The following RGS20 variants were observed in gnomAD, a reference collection of about 807,000 sequenced individuals.
RGS20 encodes the protein regulator of G protein signaling 20.
RGS20 carries 30 observed loss-of-function variants against 33.6 expected under a neutral mutation model. The ratio of observed to expected loss-of-function variants is 0.89; its 90% CI spans 0.67 to 1.21. The LOEUF is 1.21. Among genes scored for constraint, RGS20 ranks in the 50% most tolerant of loss-of-function variants. The probability of loss-of-function intolerance (pLI) is 0.00; values close to 1 mark genes in which losing one functional copy is unlikely to be tolerated. For synonymous variants in RGS20, 208 were observed against 197.9 expected, an observed-to-expected ratio of 1.05 and a Z score of -0.43; for missense variants, 472 against 502.4, an observed-to-expected ratio of 0.94 and a Z score of 0.58.
At chr8:53,949,772 G>C (rs1702359781) in intron 4 of RGS20, among the ~76,000 whole-genome samples, 1 of 151,686 alleles carries the variant, frequency 6.6e-6, no homozygotes, top group Admixed American at 6.6e-5. Flanking sequence ...ATAGATGCTT[G>C]CCAAAAATTT....
chr8:53,954,472 T>A (rs1814802250), intron 5 of RGS20, among the ~76,000 whole-genome samples, 162 bp downstream of exon 4: 1 of 151,876 alleles, frequency 6.6e-6, no homozygotes, highest in African/African-American at 2.4e-5. Context: ...GAGACCAGCC[T>A]GACCAACATG....
intron 2 of RGS20, among the ~76,000 whole-genome samples, chr8:53,921,952 T>G (rs891436200): frequency 1.3e-5 from 2 of 152,192 alleles, no homozygotes; most frequent in African/African-American, 4.8e-5. Flanking sequence ...TTCATGTGTA[T>G]TTGAGAAGAA....
chr8:53,874,401 T>TGC lies in RGS20; in HGVS notation c.166-4849_166-4848dup, dbSNP rs1554518107. 5.2e-3 allele frequency among the ~76,000 whole-genome samples: 644 copies of TGC among 124,948 alleles called. 7 individuals are homozygous for TGC. Among genetic ancestry groups the TGC allele is most frequent in the African/African-American group, 0.017 (494 of 28,414 alleles). The allele number at this position is 124,948 out of a possible 152,430, so 82.0% of individuals were successfully genotyped here. Reference sequence around the variant, plus strand: ...GTGTGTGTGTGTGTGTGTGTGTGTGTGCGCGCGCGTGTGCTTGCGTGCATC... The same window carrying TGC: ...GTGTGTGTGTGTGTGTGTGTGTGTGTGCGCGCGCGCGTGTGCTTGCGTGCATC... On this transcript the variant is annotated intron_variant, in intron 1 of 5. Coordinates refer to ENST00000297313, the MANE Select transcript of RGS20 (RefSeq NM_170587.4).
At chr8:53,855,026 A>T (rs1438407923) in intron 1 of RGS20, among the ~76,000 whole-genome samples, 1 of 152,220 alleles carries the variant, frequency 6.6e-6, no homozygotes, top group Non-Finnish European at 1.5e-5. Flanking sequence ...AATTCCAAAA[A>T]GTCACACACT....
chr8:53,957,397 G>T (rs1371942430), intron 5 of RGS20, among the ~76,000 whole-genome samples: 2 of 152,226 alleles, frequency 1.3e-5, no homozygotes, highest in Admixed American at 6.5e-5. Flanking sequence ...ACCCAGGCAG[G>T]GCTGGAATTT....
intron 2 of RGS20, among the ~76,000 whole-genome samples, chr8:53,886,123 C>T (rs956698803): frequency 6.6e-6 from 1 of 152,202 alleles, no homozygotes; most frequent in African/African-American, 2.4e-5. Flanking sequence ...ATAGGGCTCA[C>T]TCTGAGTCAG....
chr8:53,942,101 T>A (rs1475310942), intron 3 of RGS20, among the ~76,000 whole-genome samples: 1 of 151,692 alleles, frequency 6.6e-6, no homozygotes, highest in African/African-American at 2.4e-5. Context: ...TGGAGAAAAC[T>A]CGTTTCTACT....
rs1348166478 is a variant in RGS20 at position 53,936,650 on chromosome 8, A to G, written c.511-2926A>G. Among the ~76,000 whole-genome samples, 5 of 152,230 alleles carry G rather than the reference A, an allele frequency of 3.3e-5. No individual in the cohort carries two copies. In the East Asian group the frequency reaches 5.8e-4, roughly 18 times the overall value. On this transcript the variant is annotated intron_variant, in intron 2 of 5. Transcript: ENST00000297313. The stretch of plus-strand genomic sequence containing the variant: ...CCATGCTCATGGATAGGAAGAATCA[A>G]TATCCTGAAAATGGCCATACTGCCC...
intron 1 of RGS20, among the ~76,000 whole-genome samples, chr8:53,860,310 A>C (rs974746449): frequency 6.6e-6 from 1 of 152,370 alleles, no homozygotes; most frequent in Admixed American, 6.5e-5. Flanking sequence ...ATGTTTTCCC[A>C]TAAGACTATA....
chr8:53,889,820 T>C (rs1464681057), intron 2 of RGS20, among the ~76,000 whole-genome samples: 4 of 152,110 alleles, frequency 2.6e-5, no homozygotes, highest in Non-Finnish European at 5.9e-5. Context: ...CATTATCTTT[T>C]GACTTTCCTA....
intron 2 of RGS20, among the ~76,000 whole-genome samples, chr8:53,937,166 T>C (rs1814159020): frequency 6.6e-6 from 1 of 152,002 alleles, no homozygotes. Context: ...AGGGGAAGGA[T>C]AGCATTAGGA....
intron 2 of RGS20, among the ~76,000 whole-genome samples, chr8:53,917,743 T>A (rs1813530101): frequency 6.6e-6 from 1 of 152,206 alleles, no homozygotes; most frequent in Admixed American, 6.5e-5. Context: ...CACTCCAGTC[T>A]GGGCGACAGA....
At chr8:53,909,876 A>T (rs1239296585) in intron 2 of RGS20, among the ~76,000 whole-genome samples, 1 of 152,164 alleles carries the variant, frequency 6.6e-6, no homozygotes, top group Non-Finnish European at 1.5e-5. Context: ...ATGAGGAAGG[A>T]AAATGTCTGC....
At chr8:53,895,024 G>A (rs1043732498) in intron 2 of RGS20, among the ~76,000 whole-genome samples, 13 of 152,120 alleles carry the variant, frequency 8.5e-5, no homozygotes, top group Non-Finnish European at 1.3e-4. Context: ...AAAGCTGTGC[G>A]GGGAGAGGGA....
intron 4 of RGS20, among the ~76,000 whole-genome samples, chr8:53,948,184 GTATA>G (rs1157432927): frequency 7.7e-6 from 1 of 129,418 alleles, no homozygotes; most frequent in Non-Finnish European, 1.6e-5. Flanking sequence ...ATATGATATA[GTATA>G]TATATTTACA....
intron 1 of RGS20, among the ~76,000 whole-genome samples, chr8:53,863,727 CTTT>C (rs370117372): frequency 2.3e-5 from 3 of 129,212 alleles, no homozygotes; most frequent in Non-Finnish European, 3.3e-5. Flanking sequence ...TTTGTTTTAT[CTTT>C]TTTTTTTTTT....
intron 2 of RGS20, among the ~76,000 whole-genome samples, chr8:53,882,643 C>CAAAAAA (rs34390232): frequency 3.9e-5 from 4 of 103,416 alleles, no homozygotes; most frequent in African/African-American, 1.3e-4. Flanking sequence ...GACTCCGTCT[C>CAAAAAA]AAAAAAAAAA....
chr8:53,856,935 C>T (rs1403351961), intron 1 of RGS20, among the ~76,000 whole-genome samples: 2 of 152,048 alleles, frequency 1.3e-5, no homozygotes, highest in African/African-American at 4.8e-5. Flanking sequence ...GCTACAAAGA[C>T]AATGGAGCCT....
chr8:53,887,624 A>G (rs765837856), intron 2 of RGS20, among the ~76,000 whole-genome samples: 1 of 152,196 alleles, frequency 6.6e-6, no homozygotes, highest in Non-Finnish European at 1.5e-5. Flanking sequence ...TATAAAAGTC[A>G]TGTTGATAAT....
Sources: gnomAD v4.1 joint callset for allele counts (sites outside exome capture counted in the v4.1 genomes callset) on GRCh38, gnomAD v4.1.1 for gene constraint, MANE v1.5 for transcripts, NCBI Gene and HGNC (gene_info 2026-07-23, HGNC 2026-07-21) for gene names.